EPHA6: variants seen among roughly 807,000 people sequenced by gnomAD.
The protein encoded by EPHA6 is EPH receptor A6.
In EPHA6, 50 loss-of-function variants were observed where a neutral mutation model predicts 112.0. That is an observed-to-expected ratio of 0.45 (90% CI 0.36 to 0.56). The LOEUF is 0.56. Among genes scored for constraint, EPHA6 ranks in the 20% least tolerant of loss-of-function variants. EPHA6 has a pLI of 0.00. For synonymous variants in EPHA6, 529 were observed against 490.7 expected, an observed-to-expected ratio of 1.08 and a Z score of -1.03; for missense variants, 1,280 against 1,417.4, an observed-to-expected ratio of 0.90 and a Z score of 1.56.
intron 11 of EPHA6, among the ~76,000 whole-genome samples, chr3:97,570,551 G>A (rs535810344): frequency 6.6e-6 from 1 of 152,254 alleles, no homozygotes; most frequent in East Asian, 1.9e-4. Flanking sequence ...CCAAGATGGT[G>A]AAACCCCATC....
intron 3 of EPHA6, among the ~76,000 whole-genome samples, chr3:97,018,085 A>G (rs1044921871): frequency 2.7e-5 from 4 of 150,918 alleles, no homozygotes; most frequent in Non-Finnish European, 5.9e-5. Context: ...ACTCTGATAC[A>G]TTCTTCATTT....
At chr3:97,254,240 G>GT (rs1229605862) in intron 5 of EPHA6, among the ~76,000 whole-genome samples, 1 of 152,136 alleles carries the variant, frequency 6.6e-6, no homozygotes, top group Non-Finnish European at 1.5e-5. Context: ...CCAGGCTGGA[G>GT]TGCAGTGGCG....
chr3:97,052,475 T>C (rs1270314134), intron 3 of EPHA6, among the ~76,000 whole-genome samples: 1 of 152,154 alleles, frequency 6.6e-6, no homozygotes, highest in Non-Finnish European at 1.5e-5. Flanking sequence ...GAGACTATGC[T>C]ACATTTATTT....
chr3:97,150,487 A>G (rs949351631), intron 3 of EPHA6, among the ~76,000 whole-genome samples: 2 of 152,106 alleles, frequency 1.3e-5, no homozygotes, highest in Admixed American at 6.6e-5. Context: ...TTGACCTGTT[A>G]CAAAAGATTC....
At chr3:97,478,214 C>G (rs943196022) in intron 8 of EPHA6, among the ~76,000 whole-genome samples, 1 of 151,928 alleles carries the variant, frequency 6.6e-6, no homozygotes, top group Non-Finnish European at 1.5e-5. Context: ...AAGTTAAGGC[C>G]TTATTTTTTC....
At chr3:97,418,016 C>A (rs934509452) in intron 6 of EPHA6, among the ~76,000 whole-genome samples, 1 of 151,604 alleles carries the variant, frequency 6.6e-6, no homozygotes, top group African/African-American at 2.4e-5. Flanking sequence ...ACTTTTGATG[C>A]GTTAAAGAAT....
chr3:97,456,844 T>C (rs1487759462), intron 7 of EPHA6, among the ~76,000 whole-genome samples: 1 of 152,184 alleles, frequency 6.6e-6, no homozygotes, highest in Non-Finnish European at 1.5e-5. Context: ...TATTTGACTT[T>C]ACAACCTTGA....
intron 5 of EPHA6, among the ~76,000 whole-genome samples, chr3:97,323,502 C>T (rs141086377): frequency 6.6e-6 from 1 of 151,848 alleles, no homozygotes; most frequent in Admixed American, 6.6e-5. Context: ...GTCAAATGAT[C>T]ATGTTTGTAT....
At chr3:97,186,082 G>A (rs1325502717) in intron 3 of EPHA6, among the ~76,000 whole-genome samples, 7 of 127,310 alleles carry the variant, frequency 5.5e-5, no homozygotes, top group African/African-American at 2.0e-4. Context: ...GGAGGGGGGA[G>A]GGATAGCATT....
At chr3:97,718,068 G>T (rs954543311) in intron 14 of EPHA6, among the ~76,000 whole-genome samples, 5 of 152,168 alleles carry the variant, frequency 3.3e-5, no homozygotes, top group Non-Finnish European at 7.3e-5. Context: ...TGCCAGATGG[G>T]ACTGCTGCCC....
intron 6 of EPHA6, among the ~76,000 whole-genome samples, chr3:97,420,148 G>T (rs2107179598): frequency 6.6e-6 from 1 of 152,224 alleles, no homozygotes; most frequent in African/African-American, 2.4e-5. Context: ...TTCACTGCAT[G>T]TGATAGATCT....
intron 3 of EPHA6, among the ~76,000 whole-genome samples, chr3:97,174,028 C>T (rs185745082): frequency 1.3e-5 from 2 of 151,686 alleles, no homozygotes; most frequent in Non-Finnish European, 1.5e-5. Flanking sequence ...CCTTCCCCCC[C>T]AGTCCCCCAC....
At chr3:97,432,244 C>T (rs1249940933) in intron 6 of EPHA6, among the ~76,000 whole-genome samples, 1 of 152,116 alleles carries the variant, frequency 6.6e-6, no homozygotes, top group Non-Finnish European at 1.5e-5. Flanking sequence ...CAATTCCATC[C>T]ACTAACTCAA....
At chr3:96,865,515 C>G (rs997044766) in intron 1 of EPHA6, among the ~76,000 whole-genome samples, 1 of 151,556 alleles carries the variant, frequency 6.6e-6, no homozygotes. Context: ...GACCTTGTCT[C>G]TACAATAAAT....
intron 6 of EPHA6, among the ~76,000 whole-genome samples, chr3:97,413,471 A>G (rs1360517869): frequency 1.3e-5 from 2 of 152,128 alleles, no homozygotes; most frequent in East Asian, 1.9e-4. Flanking sequence ...ATTAGCCCCA[A>G]TGAATCTACA....
intron 13 of EPHA6, among the ~76,000 whole-genome samples, chr3:97,632,243 A>G (rs539657437): frequency 1.3e-5 from 2 of 152,152 alleles, no homozygotes; most frequent in Admixed American, 6.6e-5. Context: ...CTAAGAGAAA[A>G]ATAAATGAAT....
intron 2 of EPHA6, among the ~76,000 whole-genome samples, chr3:96,979,768 T>C (rs576288029): frequency 1.3e-5 from 2 of 152,196 alleles, no homozygotes; most frequent in Admixed American, 6.5e-5. Context: ...TGGTATCTCA[T>C]TGTGGTTTTG....
At chr3:96,900,832 G>A (rs1000807636) in intron 2 of EPHA6, among the ~76,000 whole-genome samples, 11 of 152,182 alleles carry the variant, frequency 7.2e-5, no homozygotes, top group African/African-American at 2.4e-4. Flanking sequence ...AACATTTGAA[G>A]AACAAATGAT....
chr3:97,621,269 G>A (rs2093811967), intron 13 of EPHA6, among the ~76,000 whole-genome samples: 1 of 151,914 alleles, frequency 6.6e-6, no homozygotes. Flanking sequence ...CTCTCAGAGA[G>A]TGGAGGGTGG....
Sources: gnomAD v4.1 joint callset for allele counts (sites outside exome capture counted in the v4.1 genomes callset) on GRCh38, gnomAD v4.1.1 for gene constraint, MANE v1.5 for transcripts, NCBI Gene and HGNC (gene_info 2026-07-23, HGNC 2026-07-21) for gene names.